DUSP3: variants seen among roughly 807,000 people sequenced by gnomAD.
DUSP3 encodes the protein dual specificity phosphatase 3.
DUSP3 carries 7 observed loss-of-function variants against 15.5 expected under a neutral mutation model. That is an observed-to-expected ratio of 0.45 (90% CI 0.26 to 0.85). The LOEUF is 0.85. DUSP3 is among the 40% of genes least tolerant of loss of function. The pLI is 0.18. For missense variants in DUSP3, 209 were observed against 251.7 expected, an observed-to-expected ratio of 0.83 and a Z score of 1.15; for synonymous variants, 86 against 104.2, an observed-to-expected ratio of 0.83 and a Z score of 1.07.
chr17:43,775,563 CCTT>C (rs1445820203), intron 1 of DUSP3, among the ~76,000 whole-genome samples: 1 of 152,152 alleles, frequency 6.6e-6, no homozygotes, highest in Non-Finnish European at 1.5e-5. Flanking sequence ...ACTGTGAGCT[CCTT>C]GAGAGAGGAA....
chr17:43,773,517 T>G (rs1051612848), intron 2 of DUSP3, among the ~76,000 whole-genome samples: 1 of 152,174 alleles, frequency 6.6e-6, no homozygotes, highest in African/African-American at 2.4e-5. Flanking sequence ...AAGTGTTTCG[T>G]AAGTGGCTGG....
intron 2 of DUSP3, among the ~76,000 whole-genome samples, chr17:43,770,949 G>A (rs2943030): frequency 0.98 from 147,444 of 150,970 alleles, 72,026 homozygotes; most frequent in East Asian, 1. Flanking sequence ...TTTAGTAGAG[G>A]TGGGGTTATT....
intron 1 of DUSP3, among the ~76,000 whole-genome samples, chr17:43,776,148 A>G (rs1396695531): frequency 2.0e-5 from 3 of 152,220 alleles, no homozygotes; most frequent in South Asian, 2.1e-4. Context: ...AATAAAAATA[A>G]TAATTGGTCT....
intron 1 of DUSP3, among the ~76,000 whole-genome samples, chr17:43,776,299 C>A (rs1241326141): frequency 6.6e-6 from 1 of 152,246 alleles, no homozygotes; most frequent in Non-Finnish European, 1.5e-5. Flanking sequence ...ATGGCAATAT[C>A]CCTGCTTAAC....
At position 43,778,610 on chromosome 17, in the gene DUSP3, C is replaced by T. The variant is rs957102737; in HGVS notation, c.125+190G>A. Among the ~76,000 whole-genome samples, 7 of 152,118 alleles carry T rather than the reference C, an allele frequency of 4.6e-5. No individual in the cohort carries two copies. In the South Asian group the frequency reaches 1.2e-3, roughly 27 times the overall value. ...GGCCGCGCCCGGCCAGGCAGGGTTCCAGTTCCTTGGCCCCACGCGCGGGGG... is the reference window on the plus strand; with the variant it reads ...GGCCGCGCCCGGCCAGGCAGGGTTCTAGTTCCTTGGCCCCACGCGCGGGGG... On this transcript the variant is annotated intron_variant, in intron 1 of 2. Coordinates refer to ENST00000226004, the MANE Select transcript of DUSP3 (RefSeq NM_004090.4).
chr17:43,778,722 C>G (rs1567783693), intron 1 of DUSP3, 78 bp downstream of exon 1: 1 of 1,395,798 alleles, frequency 7.2e-7, no homozygotes. Flanking sequence ...CCAAGACTCG[C>G]GACACCCCGA....
chr17:43,777,209 G>A (rs954063721), intron 1 of DUSP3, among the ~76,000 whole-genome samples: 4 of 152,150 alleles, frequency 2.6e-5, no homozygotes, highest in Non-Finnish European at 5.9e-5. Flanking sequence ...CTGACCTCAG[G>A]TGACCCACCC....
chr17:43,774,151 G>GA (rs199620621), intron 2 of DUSP3: 17 of 264,740 alleles, frequency 6.4e-5, no homozygotes, highest in East Asian at 1.5e-4. Context: ...GAGAGAAGAG[G>GA]AAAAAAAAGA....
intron 1 of DUSP3, 44 bp downstream of exon 1, chr17:43,778,756 G>T: frequency 2.0e-6 from 3 of 1,480,036 alleles, no homozygotes; most frequent in Non-Finnish European, 2.7e-6. Flanking sequence ...TGGGCGGGGC[G>T]TCCCGAGAGG....
At position 43,767,315 on chromosome 17, in the gene DUSP3, CTACTTCGGGG is replaced by C. The variant is rs1974252924; in HGVS notation, c.*2284_*2293del. ...TTTTCCAGGAGCAGAGCAGAAAGCTCTACTTCGGGGTGCTACATCCCACCTGGAGAAAGAG... is the reference window on the plus strand; with the variant it reads ...TTTTCCAGGAGCAGAGCAGAAAGCTCTGCTACATCCCACCTGGAGAAAGAG... On this transcript the variant is annotated 3_prime_UTR_variant, in exon 3 of 3. Coordinates refer to ENST00000226004, the MANE Select transcript of DUSP3 (RefSeq NM_004090.4). The C allele has an allele frequency of 6.6e-6, 1 of 152,652 alleles. No homozygotes were observed. The highest frequency in any genetic ancestry group is 1.5e-5 in the Non-Finnish European group (1 of 68,104). The allele number at this position is 152,652 out of a possible 1,614,324, so 9.5% of individuals were successfully genotyped here.
At position 43,766,373 on chromosome 17, in the gene DUSP3, T is replaced by C. The variant is rs140486444; in HGVS notation, c.*3236A>G. The stretch of plus-strand genomic sequence containing the variant: ...AAATGTCTTCTATTTCCAATCAGGA[T>C]AAAACCTTGACTTACTTGCAAGGAC... On this transcript the variant is annotated 3_prime_UTR_variant, in exon 3 of 3. Transcript: ENST00000226004. 1 of 152,336 alleles carries C rather than the reference T, an allele frequency of 6.6e-6. No homozygotes were observed. Among genetic ancestry groups the C allele is most frequent in the East Asian group, 1.9e-4 (1 of 5,184 alleles). The allele number at this position is 152,336 out of a possible 1,614,324, so 9.4% of individuals were successfully genotyped here. A position where few individuals can be genotyped will look rare whatever the true frequency, so the allele number is the denominator to read the frequency against.
chr17:43,778,840 G>T lies in DUSP3; in HGVS notation c.85C>A (p.Pro29Thr). 6.5e-7 allele frequency: 1 copy of T among 1,533,716 alleles called. No homozygotes were observed. The highest frequency in any genetic ancestry group is 8.8e-7 in the Non-Finnish European group (1 of 1,142,358). ...ATCCGCGGGGTGACCTCGTTGCAGGGCTGGCTCGGGAGGCTGTAGCAGCCG... is the reference window on the plus strand; with the variant it reads ...ATCCGCGGGGTGACCTCGTTGCAGGTCTGGCTCGGGAGGCTGTAGCAGCCG... ...GSGCYSLPSQ[P>T]CNEVTPRIYV... Residue 29 changes from proline (P) to threonine (T), a missense_variant, in exon 1 of 3, where the codon CCC (proline) becomes ACC (threonine). Coordinates refer to ENST00000226004, the MANE Select transcript of DUSP3 (RefSeq NM_004090.4).
rs903504099 is a variant in DUSP3, at chr17:43,778,931, G to T, written c.-7C>A. 2.1e-6 allele frequency: 3 copies of T among 1,453,722 alleles called. No homozygotes were observed. The highest frequency in any genetic ancestry group is 2.9e-5 in the African/African-American group (2 of 68,032). 90.1% of individuals were successfully genotyped at this position (1,453,722 alleles called of 1,614,324 possible). On this transcript the variant is annotated 5_prime_UTR_variant, in exon 1 of 3. Coordinates refer to ENST00000226004, the MANE Select transcript of DUSP3 (RefSeq NM_004090.4). Reference sequence around the variant, plus strand: ...GCTCGAACGAGCCCGACATGGCGGCGGCGGGGCCCTGCACGCCCGGCAGGA... The same window carrying T: ...GCTCGAACGAGCCCGACATGGCGGCTGCGGGGCCCTGCACGCCCGGCAGGA...
chr17:43,773,768 G>A (rs958749978), intron 2 of DUSP3, among the ~76,000 whole-genome samples: 3 of 152,124 alleles, frequency 2.0e-5, no homozygotes, highest in African/African-American at 4.8e-5. Context: ...TTGGAGACCA[G>A]TCTAGACAAC....
intron 2 of DUSP3, among the ~76,000 whole-genome samples, chr17:43,770,364 A>C (rs144200332): frequency 1.2e-3 from 184 of 152,344 alleles, no homozygotes; most frequent in African/African-American, 4.3e-3. Flanking sequence ...GTGCTGTCAG[A>C]AGCCTGCAAG....
Position 43,772,970 on chromosome 17 carries a change from A to G in DUSP3, c.352+1742T>C, listed in dbSNP as rs144208250. 7.3e-3 allele frequency among the ~76,000 whole-genome samples: 1,113 copies of G among 152,282 alleles called. 11 individuals are homozygous for G. The highest frequency in any genetic ancestry group is 0.012 in the Non-Finnish European group (841 of 68,012). On this transcript the variant is annotated intron_variant, in intron 2 of 2. Transcript: ENST00000226004. The stretch of plus-strand genomic sequence containing the variant: ...GAGCTTGAAATTCCCTGAATGAATA[A>G]CCAATTGCTATTATACGAGAACAAC...
At chr17:43,775,710 C>T (rs1440871682) in intron 1 of DUSP3, among the ~76,000 whole-genome samples, 1 of 152,182 alleles carries the variant, frequency 6.6e-6, no homozygotes, top group Admixed American at 6.5e-5. Context: ...TCCCTGCCCC[C>T]AGAGGGATCC....
rs1974268867 is a variant in DUSP3 at position 43,768,514 on chromosome 17, A to T, written c.*1095T>A. ...CAGGGATCCCGTGCTGGCACCAGAGAGCTGTAAGAGCCACCTGCAATGGGC... is the reference window on the plus strand; with the variant it reads ...CAGGGATCCCGTGCTGGCACCAGAGTGCTGTAAGAGCCACCTGCAATGGGC... On this transcript the variant is annotated 3_prime_UTR_variant, in exon 3 of 3. Transcript: ENST00000226004. 1 of 152,140 alleles carries T rather than the reference A, an allele frequency of 6.6e-6. No individual in the cohort carries two copies. Among genetic ancestry groups the T allele is most frequent in the African/African-American group, 2.4e-5 (1 of 41,416 alleles). The allele number at this position is 152,140 out of a possible 1,614,324, so 9.4% of individuals were successfully genotyped here.
rs1974284144 is a variant in DUSP3, at chr17:43,769,525, T to C, written c.*84A>G. On this transcript the variant is annotated 3_prime_UTR_variant, in exon 3 of 3. Coordinates refer to ENST00000226004, the MANE Select transcript of DUSP3 (RefSeq NM_004090.4). The stretch of plus-strand genomic sequence containing the variant: ...TTGTGATGCTGGGAGCAGGGTACAG[T>C]GTGTTTCCTAAACATGGCAGCTCGG... 24 of 1,485,462 alleles carry C rather than the reference T, an allele frequency of 1.6e-5. No individual in the cohort carries two copies. The South Asian group carries it at 2.8e-4, about 17-fold the overall frequency. 92.0% of individuals were successfully genotyped at this position (1,485,462 alleles called of 1,614,324 possible). A position where few individuals can be genotyped will look rare whatever the true frequency, so the allele number is the denominator to read the frequency against.
Sources: gnomAD v4.1 joint callset for allele counts (sites outside exome capture counted in the v4.1 genomes callset) on GRCh38, gnomAD v4.1.1 for gene constraint, MANE v1.5 for transcripts, NCBI Gene and HGNC (gene_info 2026-07-23, HGNC 2026-07-21) for gene names.